The following HSF2 variants were observed in gnomAD, a reference collection of about 807,000 sequenced individuals.
HSF2 encodes heat shock factor protein 2.
In HSF2, 21 loss-of-function variants were observed where a neutral mutation model predicts 65.0. That is an observed-to-expected ratio of 0.32 (90% CI 0.23 to 0.47). The LOEUF is 0.47. HSF2 is among the 20% of genes least tolerant of loss of function. HSF2 has a pLI of 1.00. For synonymous variants in HSF2, 225 were observed against 219.1 expected (o/e 1.03, Z -0.24); for missense variants, 499 against 628.1 (o/e 0.79, Z 2.20).
intron 11 of HSF2, among the ~76,000 whole-genome samples, chr6:122,429,806 A>G (rs1774421241): frequency 6.6e-6 from 1 of 152,186 alleles, no homozygotes; most frequent in South Asian, 2.1e-4. Flanking sequence ...GTGATGGATT[A>G]CGTTTATTGA....
At chr6:122,414,988 A>C (rs1002074290) in intron 4 of HSF2, among the ~76,000 whole-genome samples, 1 of 152,226 alleles carries the variant, frequency 6.6e-6, no homozygotes, top group African/African-American at 2.4e-5. Flanking sequence ...GTAGTTATTC[A>C]GTAAATATTA....
chr6:122,424,134 A>AT (rs970918013), intron 10 of HSF2, among the ~76,000 whole-genome samples: 1 of 151,880 alleles, frequency 6.6e-6, no homozygotes, highest in East Asian at 1.9e-4. Flanking sequence ...TATTTTTTAC[A>AT]TTTTTATATT....
chr6:122,412,919 T>G (rs1329232008), intron 3 of HSF2, among the ~76,000 whole-genome samples, 155 bp downstream of exon 3: 3 of 151,924 alleles, frequency 2.0e-5, no homozygotes, highest in Non-Finnish European at 4.4e-5. Flanking sequence ...CTGTATTTTT[T>G]TCCTAAGTTA....
chr6:122,422,339 A>G (rs1774254798), intron 8 of HSF2, 41 bp downstream of exon 8: 2 of 1,409,642 alleles, frequency 1.4e-6, no homozygotes, highest in South Asian at 1.2e-5. Context: ...AATATTGATT[A>G]CTTTTCTTAT....
intron 11 of HSF2, 32 bp downstream of exon 11, chr6:122,427,988 T>G: frequency 6.8e-7 from 1 of 1,467,490 alleles, no homozygotes; most frequent in Non-Finnish European, 9.4e-7. Flanking sequence ...TCAGGACCCA[T>G]AGCTATAAAA....
chr6:122,417,222 T>G (rs1774146539), intron 5 of HSF2, among the ~76,000 whole-genome samples: 1 of 152,038 alleles, frequency 6.6e-6, no homozygotes, highest in Non-Finnish European at 1.5e-5. Context: ...TTAGTCCAAG[T>G]ACATGTATTT....
rs1347878618 is a variant in HSF2 at position 122,420,175 on chromosome 6, C to G, written c.634C>G (p.Leu212Val). ...CACTAATGGAGCCCAAAAGAAGAAC[C>G]TGTTTCAGCACATAGTCAAAGAACC... ...LNTNGAQKKNLFQHIVKEPTD... is the reference protein window; with the variant it reads ...LNTNGAQKKNVFQHIVKEPTD... The change falls in exon 7 of 13, where the codon CTG (leucine) becomes GTG (valine). Residue 212 changes from leucine to valine, a missense_variant. Physicochemically the swap from Leu to Val is conservative, Grantham distance 32. This residue lies in a region of HSF2 where 349 missense variants were observed against 393.5 expected (regional missense o/e 0.89). Transcript: ENST00000368455. The G allele has an allele frequency of 2.5e-6, 4 of 1,608,950 alleles. No homozygotes were observed. Among genetic ancestry groups the G allele is most frequent in the Non-Finnish European group, 3.4e-6 (4 of 1,176,286 alleles).
intron 4 of HSF2, among the ~76,000 whole-genome samples, chr6:122,414,468 CTCT>C (rs1328518085): frequency 6.6e-6 from 1 of 152,116 alleles, no homozygotes; most frequent in South Asian, 2.1e-4. Flanking sequence ...TTTAGGCTTT[CTCT>C]TCTTGTGTAT....
chr6:122,423,112 A>T (rs45615231), intron 9 of HSF2, among the ~76,000 whole-genome samples, 155 bp downstream of exon 9: 217 of 152,214 alleles, frequency 1.4e-3, no homozygotes, highest in African/African-American at 5.0e-3. Context: ...AATGAATGGG[A>T]TTTAATCATC....
chr6:122,417,915 T>G (rs1448500616), intron 5 of HSF2, among the ~76,000 whole-genome samples: 1 of 152,186 alleles, frequency 6.6e-6, no homozygotes, highest in Non-Finnish European at 1.5e-5. Flanking sequence ...AGCAATTTAG[T>G]GTCTACCCTC....
chr6:122,421,808 G>A (rs492250), intron 7 of HSF2, among the ~76,000 whole-genome samples: 121,023 of 151,944 alleles, frequency 0.8, 48,433 homozygotes, highest in South Asian at 0.92. Flanking sequence ...CGTGCTTGAA[G>A]TTTCTAGTGA....
Position 122,399,913 on chromosome 6 carries a change from C to G in HSF2, c.93+83C>G, listed in dbSNP as rs1773679808. On this transcript the variant is annotated intron_variant, in intron 1 of 12. Coordinates refer to ENST00000368455, the MANE Select transcript of HSF2 (RefSeq NM_004506.4). ...CTCCTGCGGGGTGGTCTCTCGCGGC[C>G]TTGCGGCTCGACGCTGTCTGCGAGG... 6.4e-6 allele frequency: 7 copies of G among 1,090,458 alleles called. No homozygotes were observed. The Admixed American group carries it at 1.3e-4, about 20-fold the overall frequency. 67.5% of individuals were successfully genotyped at this position (1,090,458 alleles called of 1,614,324 possible).
chr6:122,419,151 G>A lies in HSF2; in HGVS notation c.532-17G>A. On this transcript the variant is annotated splice_polypyrimidine_tract_variant and intron_variant, in intron 5 of 12. Transcript: ENST00000368455. ...TTAACAGTATAATGAAATAATTTTTGTTTATATTTTTTTCAGATTGTCCAG... is the reference window on the plus strand; with the variant it reads ...TTAACAGTATAATGAAATAATTTTTATTTATATTTTTTTCAGATTGTCCAG... The A allele has an allele frequency of 8.1e-7, 1 of 1,231,274 alleles. No homozygotes were observed. The highest frequency in any genetic ancestry group is 1.2e-6 in the Non-Finnish European group (1 of 843,316). The allele number at this position is 1,231,274 out of a possible 1,614,324, so 76.3% of individuals were successfully genotyped here. A position where few individuals can be genotyped will look rare whatever the true frequency, so the allele number is the denominator to read the frequency against.
intron 11 of HSF2, 21 bp from the exon 12 acceptor site, chr6:122,431,409 A>ATG: frequency 8.3e-7 from 1 of 1,200,950 alleles, no homozygotes; most frequent in Non-Finnish European, 1.2e-6. Flanking sequence ...AAGTACTTAT[A>ATG]TATATATTTT....
chr6:122,420,164 A>G lies in HSF2; in HGVS notation c.623A>G (p.Gln208Arg), dbSNP rs768068140. Reference sequence around the variant, plus strand: ...CTACTTCTAAACACTAATGGAGCCCAAAAGAAGAACCTGTTTCAGCACATA... The same window carrying G: ...CTACTTCTAAACACTAATGGAGCCCGAAAGAAGAACCTGTTTCAGCACATA... Reference protein sequence around the residue: ...RPLLLNTNGAQKKNLFQHIVK... With the variant: ...RPLLLNTNGARKKNLFQHIVK... Residue 208 changes from glutamine to arginine, a missense_variant, in exon 7 of 13, where the codon CAA becomes CGA. Gln to Arg is a conservative substitution (Grantham distance 43). Transcript: ENST00000368455. 1.3e-5 allele frequency: 21 copies of G among 1,610,598 alleles called. No homozygotes were observed. Among genetic ancestry groups the G allele is most frequent in the Non-Finnish European group, 1.7e-5 (20 of 1,177,698 alleles).
chr6:122,429,619 C>G (rs972077391), intron 11 of HSF2, among the ~76,000 whole-genome samples: 1 of 152,106 alleles, frequency 6.6e-6, no homozygotes, highest in Non-Finnish European at 1.5e-5. Context: ...AATGAAATCT[C>G]ATTCAGTATG....
chr6:122,419,282 T>G, intron 6 of HSF2, 53 bp downstream of exon 6: 1 of 863,788 alleles, frequency 1.2e-6, no homozygotes. Flanking sequence ...TCACACTTTT[T>G]AGTGTTTAAC....
Position 122,423,737 on chromosome 6 carries a change from A to G in HSF2, c.1176+51A>G, listed in dbSNP as rs745617639. ...ATACTGGTAGTTTGTGTGTTTATGT[A>G]TATTATTTAAAAACCAGTACGTCAT... is the stretch of plus-strand genomic sequence containing the variant. On this transcript the variant is annotated intron_variant, in intron 10 of 12. Transcript: ENST00000368455. The G allele has an allele frequency of 4.1e-5, 42 of 1,020,262 alleles. No individual in the cohort carries two copies. In the East Asian group the frequency reaches 9.4e-4, roughly 23 times the overall value. The allele number at this position is 1,020,262 out of a possible 1,614,324, so 63.2% of individuals were successfully genotyped here.
intron 10 of HSF2, among the ~76,000 whole-genome samples, chr6:122,425,829 C>G (rs1022780084): frequency 6.6e-6 from 1 of 152,072 alleles, no homozygotes; most frequent in Non-Finnish European, 1.5e-5. Flanking sequence ...ATATCCAGCT[C>G]TTAACATTTT....
Sources: gnomAD v4.1 joint callset for allele counts (sites outside exome capture counted in the v4.1 genomes callset) on GRCh38, gnomAD v4.1.1 for gene constraint, gnomAD v4.1.1 regional missense constraint, MANE v1.5 for transcripts, NCBI Gene and HGNC (gene_info 2026-07-23, HGNC 2026-07-21) for gene names.